DNAH5: variants seen among roughly 807,000 people sequenced by gnomAD.
The protein encoded by DNAH5 is axonemal beta dynein heavy chain 5.
DNAH5 carries 372 observed loss-of-function variants against 518.2 expected under a neutral mutation model. The ratio of observed to expected loss-of-function variants is 0.72; its 90% CI spans 0.66 to 0.78. The LOEUF is 0.78. DNAH5 is among the 30% of genes least tolerant of loss of function. DNAH5 has a pLI of 0.00. For missense variants in DNAH5, 5,523 were observed against 5,687.0 expected, an observed-to-expected ratio of 0.97 and a Z score of 0.93; for synonymous variants, 2,039 against 2,025.9, an observed-to-expected ratio of 1.01 and a Z score of -0.17.
chr5:13,844,764 C>T, intron 32 of DNAH5, 73 bp downstream of exon 32: 3 of 1,597,802 alleles, frequency 1.9e-6, no homozygotes, highest in South Asian at 1.1e-5. Flanking sequence ...AACCCGTTTT[C>T]GAAGAGCTAC....
chr5:13,941,177 A>T (rs1247341238), intron 1 of DNAH5, among the ~76,000 whole-genome samples: 1 of 152,006 alleles, frequency 6.6e-6, no homozygotes, highest in East Asian at 1.9e-4. Flanking sequence ...GCATAGCAAG[A>T]CTCCATCTCT....
intron 1 of DNAH5, among the ~76,000 whole-genome samples, chr5:13,997,642 CAG>C (rs1784058161): frequency 1.3e-5 from 2 of 152,164 alleles, no homozygotes; most frequent in Non-Finnish European, 2.9e-5. Context: ...CATGGCAATG[CAG>C]ACTTTTTCTA....
rs1268632025 is a variant in DNAH5 at position 13,882,781 on chromosome 5, T to C, written c.3209A>G (p.Gln1070Arg). The stretch of plus-strand genomic sequence containing the variant: ...ATCAGAATCACTGTCTTCATTACTC[T>C]GCAAAGCAGCCATTTTTCTTTCTTG... ...KIQERKMAAL[Q>R]SNEDSDSDVE... The change falls in exon 21 of 79, where the codon CAG becomes CGG. Residue 1070 changes from glutamine to arginine, a missense_variant. By Grantham distance (43) the Gln-to-Arg change is conservative (BLOSUM62 1). Around this residue, in one of 3 missense-constraint regions of DNAH5, gnomAD observed 5,121 missense variants for 5,223.3 expected, o/e 0.98. Coordinates refer to ENST00000265104, the MANE Select transcript of DNAH5 (RefSeq NM_001369.3). 6.2e-7 allele frequency: 1 copy of C among 1,614,170 alleles called. No homozygotes were observed. The highest frequency in any genetic ancestry group is 1.1e-5 in the South Asian group (1 of 91,092).
intron 28 of DNAH5, among the ~76,000 whole-genome samples, chr5:13,864,127 TCAATG>T (rs879431948): frequency 7.2e-5 from 11 of 152,354 alleles, no homozygotes; most frequent in Non-Finnish European, 1.0e-4. Flanking sequence ...TACATTTTAT[TCAATG>T]GTATTTGCCA....
At chr5:13,877,718 T>C (rs963322212) in intron 21 of DNAH5, among the ~76,000 whole-genome samples, 2 of 152,142 alleles carry the variant, frequency 1.3e-5, no homozygotes, top group Admixed American at 6.5e-5. Flanking sequence ...CAACACACAG[T>C]TTCTCTCTGT....
In DNAH5 at chr5:13,902,082, T is replaced by C. The variant is rs1334055620; in HGVS notation, c.1701A>G (p.Gln567=). The C allele has an allele frequency of 1.2e-6, 2 of 1,608,136 alleles. No homozygotes were observed. The highest frequency in any genetic ancestry group is 2.2e-5 in the East Asian group (1 of 44,776). ...CAAATTTCTTCAACATTCTTAGAGC[T>C]TGATTTGTGTTTTGAATCTTTGCAA... ...VTFAKIQNTN[Q]ALRMLKKFER... Residue 567 remains glutamine (Q), a synonymous_variant, in exon 13 of 79, where the codon CAA becomes CAG. Coordinates refer to ENST00000265104, the MANE Select transcript of DNAH5 (RefSeq NM_001369.3).
chr5:13,927,704 A>G (rs1318642831), intron 3 of DNAH5, among the ~76,000 whole-genome samples: 1 of 152,254 alleles, frequency 6.6e-6, no homozygotes, highest in Non-Finnish European at 1.5e-5. Flanking sequence ...AATAATGCCT[A>G]TATACATGTG....
At chr5:13,983,904 C>T (rs1782854128) in intron 1 of DNAH5, among the ~76,000 whole-genome samples, 1 of 152,214 alleles carries the variant, frequency 6.6e-6, no homozygotes, top group African/African-American at 2.4e-5. Context: ...CTGATACAGT[C>T]AGCAGACTAC....
intron 1 of DNAH5, among the ~76,000 whole-genome samples, chr5:13,981,172 C>T (rs980924129): frequency 6.6e-6 from 1 of 152,218 alleles, no homozygotes; most frequent in African/African-American, 2.4e-5. Flanking sequence ...TCTGTTGTGT[C>T]TGCGGCTGTA....
In DNAH5 at chr5:13,770,836, A is replaced by T; in HGVS notation, c.9518T>A (p.Val3173Glu). Residue 3173 changes from valine (V) to glutamate (E), a missense_variant, in exon 56 of 79, where the codon GTG (valine) becomes GAG (glutamate). By Grantham distance (121) the Val-to-Glu change is moderately radical. This residue lies in a region of DNAH5 where 5,121 missense variants were observed against 5,223.3 expected (regional missense o/e 0.98). Coordinates refer to ENST00000265104, the MANE Select transcript of DNAH5 (RefSeq NM_001369.3). Reference sequence around the variant, plus strand: ...AAAGGAGAGGTATGATTTGGGCGTCACGTGGGTAGAACGTCGGAATCTCTG... The same window carrying T: ...AAAGGAGAGGTATGATTTGGGCGTCTCGTGGGTAGAACGTCGGAATCTCTG... The part of the protein sequence containing the change: ...YFQRFRRSTH[V>E]TPKSYLSFIQ... The T allele has an allele frequency of 6.2e-7, 1 of 1,614,076 alleles. No individual in the cohort carries two copies. The highest frequency in any genetic ancestry group is 8.5e-7 in the Non-Finnish European group (1 of 1,179,970).
chr5:13,854,310 A>G (rs991056635), intron 30 of DNAH5, among the ~76,000 whole-genome samples: 4 of 152,230 alleles, frequency 2.6e-5, no homozygotes, highest in Admixed American at 2.6e-4. Context: ...TTTAAAGACA[A>G]GCAAGTGATG....
At chr5:13,859,987 A>G (rs1371073946) in intron 29 of DNAH5, among the ~76,000 whole-genome samples, 2 of 152,146 alleles carry the variant, frequency 1.3e-5, no homozygotes, top group Non-Finnish European at 2.9e-5. Context: ...TTCATATAAT[A>G]TGGAGCTTTT....
intron 52 of DNAH5, among the ~76,000 whole-genome samples, chr5:13,781,786 G>A (rs1306017526): frequency 6.6e-6 from 1 of 151,918 alleles, no homozygotes; most frequent in Non-Finnish European, 1.5e-5. Context: ...GCATGAAAAC[G>A]AACTAATACA....
intron 9 of DNAH5, 75 bp from the exon 10 acceptor site, chr5:13,914,717 ACT>A: frequency 7.0e-7 from 1 of 1,418,498 alleles, no homozygotes; most frequent in Non-Finnish European, 9.8e-7. Context: ...AAGGTCCTTA[ACT>A]CTTCTACTTC....
At chr5:13,761,117 G>A (rs1751711975) in intron 60 of DNAH5, among the ~76,000 whole-genome samples, 2 of 152,236 alleles carry the variant, frequency 1.3e-5, no homozygotes. Flanking sequence ...GCAGGACCCA[G>A]ATTGTCTTGA....
intron 37 of DNAH5, 110 bp from the exon 38 acceptor site, chr5:13,829,814 A>T (rs950153615): frequency 8.2e-7 from 1 of 1,220,942 alleles, no homozygotes; most frequent in East Asian, 2.4e-5. Context: ...CAACCAGGGA[A>T]CTCATTTACG....
At chr5:13,798,781 T>G (rs531389685) in intron 47 of DNAH5, among the ~76,000 whole-genome samples, 4 of 147,732 alleles carry the variant, frequency 2.7e-5, no homozygotes, top group Admixed American at 6.7e-5. Context: ...TATTTATTTA[T>G]TTATTTATTT....
chr5:13,946,408 T>A (rs905613288), upstream of DNAH5, among the ~76,000 whole-genome samples: 1 of 152,184 alleles, frequency 6.6e-6, no homozygotes, highest in African/African-American at 2.4e-5. Flanking sequence ...TCTTAAGGTA[T>A]CTTCTTGAGC....
Position 13,810,095 on chromosome 5 carries a change from C to G in DNAH5, c.7573G>C (p.Gly2525Arg). 1 of 1,552,660 alleles carries G rather than the reference C, an allele frequency of 6.4e-7. No homozygotes were observed. The highest frequency in any genetic ancestry group is 2.4e-5 in the East Asian group (1 of 41,220). The change falls in exon 45 of 79, where the codon GGG (glycine) becomes CGG (arginine). Residue 2525 changes from glycine (G) to arginine (R), a missense_variant. Transcript: ENST00000265104. The stretch of plus-strand genomic sequence containing the variant: ...ACATAGTAGTCGAAGGCGGTGTCCC[C>G]GGGCCCCGCTGGCGGCGGCAGCTCC... The part of the protein sequence containing the change: ...TLELPPPAGP[G>R]DTAFDYYVAP...
Sources: gnomAD v4.1 joint callset for allele counts (sites outside exome capture counted in the v4.1 genomes callset) on GRCh38, gnomAD v4.1.1 for gene constraint, gnomAD v4.1.1 regional missense constraint, MANE v1.5 for transcripts, NCBI Gene and HGNC (gene_info 2026-07-23, HGNC 2026-07-21) for gene names.